CDKN2B-AS1: variants seen among roughly 807,000 people sequenced by gnomAD.
The protein encoded by CDKN2B-AS1 is CDKN2B and CDKN2A antisense cis and trans regulatory RNA 1.
chr9:22,012,687 C>T (rs1821565654), intron 1 of CDKN2B-AS1, among the ~76,000 whole-genome samples: 1 of 151,960 alleles, frequency 6.6e-6, no homozygotes, highest in East Asian at 1.9e-4. Context: ...ACCTTGCCCT[C>T]ATTTATGCAC....
chr9:22,117,639 C>T (rs780641801), intron 4 of CDKN2B-AS1: 5 of 152,368 alleles, frequency 3.3e-5, no homozygotes, highest in East Asian at 1.9e-4. Context: ...TGCTGAGGTC[C>T]GCACTTGCTG....
chr9:22,046,707 C>G (rs899113852), intron 1 of CDKN2B-AS1: 27 of 151,338 alleles, frequency 1.8e-4, no homozygotes, highest in African/African-American at 5.6e-4. Flanking sequence ...ATAGTCCAAC[C>G]AAAGGATTAA....
chr9:22,061,026 G>GT (rs918547421), intron 4 of CDKN2B-AS1, among the ~76,000 whole-genome samples: 5 of 152,060 alleles, frequency 3.3e-5, no homozygotes, highest in Non-Finnish European at 5.9e-5. Flanking sequence ...TATACCACAA[G>GT]TTTTTTTAAA....
Position 21,995,528 on chromosome 9 carries a change from C to G in CDKN2B-AS1, n.29+367C>G, listed in dbSNP as rs1411566602. The G allele has an allele frequency of 1.3e-5, 2 of 152,702 alleles. No homozygotes were observed. Among genetic ancestry groups the G allele is most frequent in the Non-Finnish European group, 2.9e-5 (2 of 68,342 alleles). 9.5% of individuals were successfully genotyped at this position (152,702 alleles called of 1,614,324 possible). A position where few individuals can be genotyped will look rare whatever the true frequency, so the allele number is the denominator to read the frequency against. ...GGCGTACGTTCTCTCTCCGGTCTCC[C>G]CCTCCATGTCCCCTCCTCCCCTTTT... On this transcript the variant is annotated intron_variant and non_coding_transcript_variant, in intron 1 of 4. Transcript: ENST00000650946. The surrounding 1 kb of genome is among the most constrained non-coding windows in gnomAD (Gnocchi z 5.7).
intron 3 of CDKN2B-AS1, among the ~76,000 whole-genome samples, chr9:22,051,241 A>G (rs1021340332): frequency 6.6e-6 from 1 of 152,106 alleles, no homozygotes; most frequent in Non-Finnish European, 1.5e-5. Context: ...TTATCGTCCA[A>G]TCCCAATCTC....
At chr9:22,126,553 T>G (rs1459720744) in intron 4 of CDKN2B-AS1, among the ~76,000 whole-genome samples, 1 of 147,690 alleles carries the variant, frequency 6.8e-6, no homozygotes, top group Non-Finnish European at 1.5e-5. Flanking sequence ...TATACTTGAA[T>G]GGGGATGGAG....
At chr9:22,083,682 G>C (rs1824776385) in intron 4 of CDKN2B-AS1, among the ~76,000 whole-genome samples, 1 of 152,188 alleles carries the variant, frequency 6.6e-6, no homozygotes. Flanking sequence ...GGTGGAGAAT[G>C]AGAGAAAGAA....
intron 1 of CDKN2B-AS1, among the ~76,000 whole-genome samples, chr9:22,012,817 A>T (rs940230062): frequency 6.6e-6 from 1 of 151,676 alleles, no homozygotes; most frequent in Non-Finnish European, 1.5e-5. Flanking sequence ...AAGAGGTTTG[A>T]TTTTCTCCAT....
At chr9:22,123,130 G>A (rs1175225837) in intron 4 of CDKN2B-AS1, among the ~76,000 whole-genome samples, 1 of 152,006 alleles carries the variant, frequency 6.6e-6, no homozygotes, top group Non-Finnish European at 1.5e-5. Context: ...AAATGGGATT[G>A]CCTTCTTGAT....
intron 1 of CDKN2B-AS1, among the ~76,000 whole-genome samples, chr9:22,034,511 C>T (rs1822606166): frequency 6.6e-6 from 1 of 152,118 alleles, no homozygotes; most frequent in African/African-American, 2.4e-5. Context: ...TTCTGAAACG[C>T]AACTATTCTT....
rs569219414 is a variant in CDKN2B-AS1, at chr9:22,092,855, C to T, written n.439-34248C>T. On this transcript the variant is annotated intron_variant and non_coding_transcript_variant, in intron 4 of 4. Coordinates refer to ENST00000650946, the Ensembl canonical transcript of CDKN2B-AS1. ...CTGCTCTGATCTTAGTTGTTTCTTG[C>T]CTTCTGCTAGCTTTTGAATCTGTTT... Among the ~76,000 whole-genome samples, 9 of 152,046 alleles carry T rather than the reference C, an allele frequency of 5.9e-5. No homozygotes were observed. In the East Asian group the frequency reaches 1.2e-3, roughly 20 times the overall value.
chr9:22,033,622 G>A (rs535275423), intron 1 of CDKN2B-AS1, among the ~76,000 whole-genome samples: 50 of 152,152 alleles, frequency 3.3e-4, no homozygotes, highest in Non-Finnish European at 5.6e-4. Flanking sequence ...AAAGTTGAAA[G>A]TTATCTTTCT....
chr9:22,051,395 C>T (rs1267550658), intron 3 of CDKN2B-AS1, among the ~76,000 whole-genome samples: 2 of 152,078 alleles, frequency 1.3e-5, no homozygotes, highest in African/African-American at 4.8e-5. Context: ...CCTTTATTCC[C>T]AAAGAGTTAT....
At chr9:22,102,291 CA>C (rs1825513374) in intron 4 of CDKN2B-AS1, among the ~76,000 whole-genome samples, 1 of 152,134 alleles carries the variant, frequency 6.6e-6, no homozygotes, top group African/African-American at 2.4e-5. Context: ...ATACTAAAAC[CA>C]GAATTTCTCT....
At position 22,056,049 on chromosome 9, in the gene CDKN2B-AS1, C is replaced by CTT. The variant is rs752585465; in HGVS notation, n.303-191_303-190dup. Among the ~76,000 whole-genome samples, 298 of 138,356 alleles carry CTT rather than the reference C, an allele frequency of 2.2e-3. 1 individual carries two copies. Among genetic ancestry groups the CTT allele is most frequent in the African/African-American group, 7.6e-3 (287 of 37,994 alleles). The allele number at this position is 138,356 out of a possible 152,430, so 90.8% of individuals were successfully genotyped here. On this transcript the variant is annotated intron_variant and non_coding_transcript_variant, in intron 3 of 4. Transcript: ENST00000650946. ...TTGAAGGTTACATAGATTTTTTTTT[C>CTT]TTTTTTTTTTTTTGAGACGGAGTCT...
chr9:22,119,448 A>C (rs934039955), intron 4 of CDKN2B-AS1: 4 of 152,174 alleles, frequency 2.6e-5, no homozygotes, highest in African/African-American at 9.7e-5. Context: ...TTGGGGCTAT[A>C]ATTCATCAAG....
intron 4 of CDKN2B-AS1, among the ~76,000 whole-genome samples, chr9:22,062,253 T>G (rs181359298): frequency 6.6e-6 from 1 of 152,338 alleles, no homozygotes; most frequent in East Asian, 1.9e-4. Context: ...GTTAGCATGA[T>G]GAATGAATTT....
chr9:22,088,015 A>G (rs913461441), intron 4 of CDKN2B-AS1, among the ~76,000 whole-genome samples: 13 of 152,194 alleles, frequency 8.5e-5, no homozygotes, highest in African/African-American at 3.1e-4. Context: ...GACTGAGACT[A>G]TTTCCTTGCC....
intron 4 of CDKN2B-AS1, among the ~76,000 whole-genome samples, chr9:22,112,629 A>G (rs1291929874): frequency 6.6e-6 from 1 of 152,216 alleles, no homozygotes. Flanking sequence ...CAGATAAAAC[A>G]ATAATTCTTC....
Sources: allele counts gnomAD v4.1 joint callset (sites outside exome capture counted in the v4.1 genomes callset), GRCh38; gene constraint gnomAD v4.1.1; non-coding constraint Gnocchi (gnomAD v3.1); transcripts MANE v1.5; gene names NCBI Gene and HGNC (gene_info 2026-07-23, HGNC 2026-07-21).